The following NRG3 variants were observed in gnomAD, a reference collection of about 807,000 sequenced individuals.
NRG3 encodes the protein pro-neuregulin-3, membrane-bound isoform.
NRG3 carries 31 observed loss-of-function variants against 66.9 expected under a neutral mutation model. The observed-to-expected ratio is 0.46, with a 90% CI of 0.35 to 0.63. The LOEUF (loss-of-function observed/expected upper bound fraction) is 0.63. Ranked by LOEUF, NRG3 falls within the 20% of genes least tolerant of loss-of-function variation. The pLI, the probability that NRG3 is intolerant of heterozygous loss-of-function variation, is 0.00. For missense variants in NRG3, 910 were observed against 878.9 expected (o/e 1.04, Z -0.45); for synonymous variants, 393 against 359.4 (o/e 1.09, Z -1.06).
intron 1 of NRG3, among the ~76,000 whole-genome samples, chr10:82,145,399 C>G (rs902363568): frequency 6.6e-6 from 1 of 152,006 alleles, no homozygotes. Context: ...GCTTTGAGCC[C>G]AAGAATCTTC....
intron 2 of NRG3, among the ~76,000 whole-genome samples, chr10:82,578,367 G>A (rs1270011160): frequency 1.3e-5 from 2 of 148,660 alleles, no homozygotes; most frequent in African/African-American, 2.5e-5. Context: ...TTAAAACCCC[G>A]ATAGTAAACA....
intron 1 of NRG3, among the ~76,000 whole-genome samples, chr10:82,204,331 A>G (rs557148096): frequency 1.3e-5 from 2 of 152,290 alleles, no homozygotes; most frequent in African/African-American, 4.8e-5. Flanking sequence ...TTAGTTCTCC[A>G]TTGACTCTCT....
In NRG3 at chr10:82,497,149, A is replaced by G. The variant is rs1425131381; in HGVS notation, c.953+138281A>G. 2.0e-5 allele frequency among the ~76,000 whole-genome samples: 3 copies of G among 152,198 alleles called. No homozygotes were observed. The East Asian group carries it at 5.8e-4, about 29-fold the overall frequency. On this transcript the variant is annotated intron_variant, in intron 2 of 8. Coordinates refer to ENST00000372141, the MANE Select transcript of NRG3 (RefSeq NM_001010848.4). ...GTTTTTTGTGGGGCAAATAATTAGCATGAAATGCAAGTTGGCTCTCTTCAT... is the reference window on the plus strand; with the variant it reads ...GTTTTTTGTGGGGCAAATAATTAGCGTGAAATGCAAGTTGGCTCTCTTCAT...
intron 2 of NRG3, among the ~76,000 whole-genome samples, chr10:82,422,913 GAT>G (rs1448460344): frequency 2.0e-5 from 3 of 151,908 alleles, no homozygotes; most frequent in Non-Finnish European, 4.4e-5. Context: ...TTATATAAAT[GAT>G]ATATGAGTTT....
At chr10:81,973,277 T>C (rs775411734) in intron 1 of NRG3, among the ~76,000 whole-genome samples, 9 of 152,240 alleles carry the variant, frequency 5.9e-5, no homozygotes, top group East Asian at 1.9e-4. Flanking sequence ...CCATGGTGTA[T>C]GTGTACCACA....
At chr10:82,454,090 G>A (rs1218786803) in intron 2 of NRG3, among the ~76,000 whole-genome samples, 1 of 152,126 alleles carries the variant, frequency 6.6e-6, no homozygotes, top group Non-Finnish European at 1.5e-5. Context: ...AGCAGTTATT[G>A]TTCTCTTTCA....
intron 2 of NRG3, among the ~76,000 whole-genome samples, chr10:82,429,666 C>A (rs112514781): frequency 6.6e-6 from 1 of 152,058 alleles, no homozygotes; most frequent in South Asian, 2.1e-4. Context: ...ATTTTTCATC[C>A]AATTTTTAAA....
chr10:81,975,365 CTATCTATCT>C (rs2060085505), intron 1 of NRG3, among the ~76,000 whole-genome samples: 1 of 139,412 alleles, frequency 7.2e-6, no homozygotes, highest in African/African-American at 2.7e-5. Flanking sequence ...ATCTATCTAT[CTATCTATCT>C]ATTCATCCAT....
At chr10:82,901,187 G>A (rs1844185925) in intron 4 of NRG3, among the ~76,000 whole-genome samples, 1 of 152,024 alleles carries the variant, frequency 6.6e-6, no homozygotes, top group Non-Finnish European at 1.5e-5. Context: ...TAATATGTCA[G>A]GGATCATTTA....
chr10:82,766,543 T>C (rs1441165973), intron 3 of NRG3, among the ~76,000 whole-genome samples: 2 of 152,186 alleles, frequency 1.3e-5, no homozygotes, highest in Non-Finnish European at 2.9e-5. Flanking sequence ...AGTAGCTAAT[T>C]TAAATATAGG....
At chr10:81,966,453 A>G (rs1435428435) in intron 1 of NRG3, among the ~76,000 whole-genome samples, 1 of 151,630 alleles carries the variant, frequency 6.6e-6, no homozygotes, top group Non-Finnish European at 1.5e-5. Context: ...GATTTTTCTT[A>G]TATTTTCTGT....
intron 3 of NRG3, among the ~76,000 whole-genome samples, chr10:82,838,073 G>A (rs943235557): frequency 1.3e-5 from 2 of 152,122 alleles, no homozygotes; most frequent in South Asian, 4.1e-4. Context: ...ATCATTTGCT[G>A]CCAATTTATT....
At position 82,491,293 on chromosome 10, in the gene NRG3, AAT is replaced by A. The variant is rs10652539; in HGVS notation, c.953+132447_953+132448del. On this transcript the variant is annotated intron_variant, in intron 2 of 8. Transcript: ENST00000372141. ...GATTCTGCCTATGCTGTTCCCATAAAATATATATATATATATATATATAAAAT... is the reference window on the plus strand; with the variant it reads ...GATTCTGCCTATGCTGTTCCCATAAAATATATATATATATATATATAAAAT... Among the ~76,000 whole-genome samples, 309 of 82,148 alleles carry A rather than the reference AAT, an allele frequency of 3.8e-3. 10 individuals carry two copies. Among genetic ancestry groups the A allele is most frequent in the Admixed American group, 0.014 (107 of 7,626 alleles). 53.9% of individuals were successfully genotyped at this position (82,148 alleles called of 152,430 possible).
chr10:82,460,421 A>C (rs1410842286), intron 2 of NRG3, among the ~76,000 whole-genome samples: 1 of 152,242 alleles, frequency 6.6e-6, no homozygotes, highest in Non-Finnish European at 1.5e-5. Context: ...AGTGTCCCAC[A>C]TAGTAAGTAG....
chr10:81,906,951 CTTTG>C (rs1403246083), intron 1 of NRG3, among the ~76,000 whole-genome samples: 2 of 152,036 alleles, frequency 1.3e-5, no homozygotes, highest in African/African-American at 2.4e-5. Flanking sequence ...CTGGAGAGTT[CTTTG>C]TTTATTTGTT....
chr10:82,269,993 C>T (rs187639069), intron 1 of NRG3, among the ~76,000 whole-genome samples: 46 of 152,152 alleles, frequency 3.0e-4, no homozygotes, highest in Non-Finnish European at 5.4e-4. Context: ...AAAATGGGGA[C>T]GATTAAAGTA....
At chr10:82,095,004 A>G (rs1009307551) in intron 1 of NRG3, among the ~76,000 whole-genome samples, 1 of 152,170 alleles carries the variant, frequency 6.6e-6, no homozygotes, top group Non-Finnish European at 1.5e-5. Context: ...CATGTGGCAT[A>G]ACTGGACTTG....
At chr10:82,845,492 T>C (rs755398504) in intron 3 of NRG3, among the ~76,000 whole-genome samples, 12 of 151,694 alleles carry the variant, frequency 7.9e-5, no homozygotes, top group East Asian at 1.9e-4. Context: ...TGTGTGCTTA[T>C]ACGTGTAAGG....
rs7084961 is a variant in NRG3 at position 82,746,816 on chromosome 10, C to G, written c.1027+8166C>G. Among the ~76,000 whole-genome samples the G allele has an allele frequency of 1.0e-2, 1,521 of 152,180 alleles. 23 individuals carry two copies. Among genetic ancestry groups the G allele is most frequent in the African/African-American group, 0.035 (1,457 of 41,508 alleles). On this transcript the variant is annotated intron_variant, in intron 3 of 8. Coordinates refer to ENST00000372141, the MANE Select transcript of NRG3 (RefSeq NM_001010848.4). ...AAAATTAGGATTGGCTGGATGCTCA[C>G]GCTTGTAATCTCAGCACTTTGGGAA...
Sources: allele counts gnomAD v4.1 joint callset (sites outside exome capture counted in the v4.1 genomes callset), GRCh38; gene constraint gnomAD v4.1.1; transcripts MANE v1.5; gene names NCBI Gene and HGNC (gene_info 2026-07-23, HGNC 2026-07-21).